Variants in NKAIN2 observed in about 807,000 individuals in gnomAD.
NKAIN2 encodes the protein sodium/potassium-transporting ATPase subunit beta-1-interacting protein 2.
NKAIN2 carries 14 observed loss-of-function variants against 32.6 expected under a neutral mutation model. That is an observed-to-expected ratio of 0.43 (90% CI 0.28 to 0.67). The LOEUF (loss-of-function observed/expected upper bound fraction) is 0.67. Among genes scored for constraint, NKAIN2 ranks in the 30% least tolerant of loss-of-function variants. The pLI, the probability that NKAIN2 is intolerant of heterozygous loss-of-function variation, is 0.17. For missense variants in NKAIN2, 198 were observed against 258.3 expected, an observed-to-expected ratio of 0.77 and a Z score of 1.60; for synonymous variants, 80 against 87.2, an observed-to-expected ratio of 0.92 and a Z score of 0.46.
chr6:124,560,013 T>C (rs1015931565), intron 3 of NKAIN2, among the ~76,000 whole-genome samples: 1 of 151,870 alleles, frequency 6.6e-6, no homozygotes, highest in Non-Finnish European at 1.5e-5. Flanking sequence ...GGTCAAAATA[T>C]GAGATTAGTT....
intron 4 of NKAIN2, among the ~76,000 whole-genome samples, chr6:124,739,959 G>A (rs530526155): frequency 1.3e-5 from 2 of 151,936 alleles, no homozygotes; most frequent in South Asian, 4.1e-4. Flanking sequence ...AGGTTTAAAT[G>A]TTCTCTGGTG....
At chr6:124,010,936 C>CT (rs144254198) in intron 1 of NKAIN2, among the ~76,000 whole-genome samples, 1,785 of 152,146 alleles carry the variant, frequency 0.012, 22 homozygotes, top group Middle Eastern at 0.068. Context: ...TCTCTTTACC[C>CT]TTATATCATT....
intron 4 of NKAIN2, among the ~76,000 whole-genome samples, chr6:124,702,376 AAG>A (rs926103052): frequency 9.9e-5 from 15 of 152,120 alleles, no homozygotes; most frequent in Non-Finnish European, 2.1e-4. Flanking sequence ...AAAGAGCAAA[AAG>A]ATATTTATAT....
chr6:123,910,440 A>ATCTTATGC (rs1775112057), intron 1 of NKAIN2, among the ~76,000 whole-genome samples: 1 of 148,732 alleles, frequency 6.7e-6, no homozygotes, highest in South Asian at 2.1e-4. Flanking sequence ...ATTTTTAGAT[A>ATCTTATGC]TCTTATGCAT....
chr6:124,639,679 T>C (rs1246866292), intron 3 of NKAIN2, among the ~76,000 whole-genome samples: 2 of 152,006 alleles, frequency 1.3e-5, no homozygotes, highest in Non-Finnish European at 2.9e-5. Context: ...TACTATTCAG[T>C]ACAAAAAGAA....
At chr6:124,387,138 A>G (rs1772933415) in intron 3 of NKAIN2, among the ~76,000 whole-genome samples, 1 of 152,142 alleles carries the variant, frequency 6.6e-6, no homozygotes, top group South Asian at 2.1e-4. Context: ...GAAAACTTGT[A>G]TAAAATATAT....
At chr6:124,257,023 G>A (rs923914338) in intron 1 of NKAIN2, among the ~76,000 whole-genome samples, 2 of 150,472 alleles carry the variant, frequency 1.3e-5, no homozygotes, top group South Asian at 2.1e-4. Flanking sequence ...TGGTTTTCTC[G>A]AAGGCGTTGT....
At chr6:124,639,658 A>G (rs1331414999) in intron 3 of NKAIN2, among the ~76,000 whole-genome samples, 1 of 152,184 alleles carries the variant, frequency 6.6e-6, no homozygotes, top group Non-Finnish European at 1.5e-5. Context: ...TATATAATAT[A>G]TACCACGAAA....
rs78241225 is a variant in NKAIN2, at chr6:124,802,912, T to C, written c.535+11513T>C. On this transcript the variant is annotated intron_variant, in intron 5 of 6. Transcript: ENST00000368417. ...AAAGCAATGGTGTTCTCATTAGCAT[T>C]CTTGATTTCCTTCCTTGCTTGCACA... is the stretch of plus-strand genomic sequence containing the variant. 4.6e-3 allele frequency among the ~76,000 whole-genome samples: 700 copies of C among 152,324 alleles called. 5 individuals carry two copies. The highest frequency in any genetic ancestry group is 0.016 in the African/African-American group (663 of 41,590).
At chr6:124,528,393 T>G (rs1394891106) in intron 3 of NKAIN2, among the ~76,000 whole-genome samples, 1 of 152,224 alleles carries the variant, frequency 6.6e-6, no homozygotes, top group Non-Finnish European at 1.5e-5. Flanking sequence ...TGTAGTGCAG[T>G]GTTTTGTCTT....
chr6:124,125,433 T>C (rs1786111153), intron 1 of NKAIN2, among the ~76,000 whole-genome samples: 1 of 152,216 alleles, frequency 6.6e-6, no homozygotes, highest in African/African-American at 2.4e-5. Flanking sequence ...ATCTGCTCCA[T>C]ATTTTAAGAA....
Position 124,800,123 on chromosome 6 carries a change from A to G in NKAIN2, c.535+8724A>G, listed in dbSNP as rs1162028613. Among the ~76,000 whole-genome samples, 9 of 152,350 alleles carry G rather than the reference A, an allele frequency of 5.9e-5. No homozygotes were observed. In the East Asian group the frequency reaches 1.7e-3, roughly 29 times the overall value. On this transcript the variant is annotated intron_variant, in intron 5 of 6. Transcript: ENST00000368417. ...TTTAAAAGCCCTCCAAATCAGAGACATGCTGAGAAGATGACATTCAAAGTT... is the reference window on the plus strand; with the variant it reads ...TTTAAAAGCCCTCCAAATCAGAGACGTGCTGAGAAGATGACATTCAAAGTT...
At chr6:124,597,310 T>C (rs1782131948) in intron 3 of NKAIN2, among the ~76,000 whole-genome samples, 2 of 152,042 alleles carry the variant, frequency 1.3e-5, no homozygotes, top group Non-Finnish European at 2.9e-5. Context: ...ACGCATTTAA[T>C]CAGGCCAAAA....
At chr6:123,919,458 A>G (rs1775646231) in intron 1 of NKAIN2, among the ~76,000 whole-genome samples, 1 of 152,158 alleles carries the variant, frequency 6.6e-6, no homozygotes, top group African/African-American at 2.4e-5. Context: ...TATTAACTGC[A>G]ATGTATCTTT....
At chr6:124,346,356 G>T (rs1429704477) in intron 2 of NKAIN2, among the ~76,000 whole-genome samples, 1 of 152,104 alleles carries the variant, frequency 6.6e-6, no homozygotes, top group Non-Finnish European at 1.5e-5. Flanking sequence ...AGGTCCGCTT[G>T]GTGCAGAGCT....
intron 5 of NKAIN2, among the ~76,000 whole-genome samples, chr6:124,805,037 G>C (rs1014280880): frequency 2.6e-5 from 4 of 152,220 alleles, no homozygotes; most frequent in African/African-American, 9.6e-5. Context: ...AGGCCTGCCT[G>C]CCTCTGTAGG....
chr6:124,549,572 T>C (rs1780214647), intron 3 of NKAIN2, among the ~76,000 whole-genome samples: 1 of 152,192 alleles, frequency 6.6e-6, no homozygotes, highest in African/African-American at 2.4e-5. Context: ...ACAGAACTTA[T>C]TCAGTGTTTT....
intron 1 of NKAIN2, among the ~76,000 whole-genome samples, chr6:123,986,078 T>G (rs2114676609): frequency 6.6e-6 from 1 of 152,164 alleles, no homozygotes; most frequent in African/African-American, 2.4e-5. Context: ...TGAAAATAAT[T>G]TAAAAACTAG....
In NKAIN2 at chr6:124,440,769, A is replaced by G. The variant is rs545277052; in HGVS notation, c.273+85422A>G. ...TACTGGGCAAAACCTAGATTTTGAG[A>G]TATAACGGGACACTTCTTTGTCCCT... On this transcript the variant is annotated intron_variant, in intron 3 of 6. Coordinates refer to ENST00000368417, the MANE Select transcript of NKAIN2 (RefSeq NM_001040214.3). Among the ~76,000 whole-genome samples the G allele has an allele frequency of 1.4e-4, 21 of 152,198 alleles. No homozygotes were observed. In the South Asian group the frequency reaches 3.3e-3, roughly 24 times the overall value.
Sources: gnomAD v4.1 joint callset for allele counts (sites outside exome capture counted in the v4.1 genomes callset) on GRCh38, gnomAD v4.1.1 for gene constraint, MANE v1.5 for transcripts, NCBI Gene and HGNC (gene_info 2026-07-23, HGNC 2026-07-21) for gene names.